The following PCDHGB1 variants were observed in gnomAD, a reference collection of about 807,000 sequenced individuals.
PCDHGB1 encodes protocadherin gamma subfamily B, 1.
Under a neutral mutation model 56.6 loss-of-function variants are expected in PCDHGB1, and 34 were observed. The observed-to-expected ratio is 0.60, with a 90% confidence interval of 0.46 to 0.80. The LOEUF (loss-of-function observed/expected upper bound fraction) is 0.80. PCDHGB1 is among the 30% of genes least tolerant of loss of function. PCDHGB1 has a pLI of 0.00. For synonymous variants in PCDHGB1, 561 were observed against 505.9 expected (o/e 1.11, Z -1.46); for missense variants, 1,278 against 1,204.6 (o/e 1.06, Z -0.90).
intron 1 of PCDHGB1, among the ~76,000 whole-genome samples, chr5:141,382,462 T>A (rs1481999551): frequency 6.6e-6 from 1 of 152,240 alleles, no homozygotes; most frequent in Admixed American, 6.5e-5. Context: ...AGCAGTTTTT[T>A]AAAAATTATC....
In PCDHGB1 at chr5:141,477,453, A is replaced by T; in HGVS notation, c.2410-17354A>T. On this transcript the variant is annotated intron_variant, in intron 1 of 3. Transcript: ENST00000523390. This position sits in a 1 kb window ranked among gnomAD's most constrained non-coding sequence, Gnocchi z 4.9. Reference sequence around the variant, plus strand: ...TCAGCCCTTACAATAGTGCGTGTTCAAGTGTCCGACATCAATGACAACCCT... The same window carrying T: ...TCAGCCCTTACAATAGTGCGTGTTCTAGTGTCCGACATCAATGACAACCCT... The T allele has an allele frequency of 6.2e-7, 1 of 1,614,136 alleles. No homozygotes were observed. The highest frequency in any genetic ancestry group is 8.5e-7 in the Non-Finnish European group (1 of 1,180,026).
At chr5:141,475,950 C>T (rs1236145505) in intron 1 of PCDHGB1, 3 of 761,526 alleles carry the variant, frequency 3.9e-6, no homozygotes, top group East Asian at 2.7e-5. Context: ...CCCCTTTCTG[C>T]GCCCCGGGAT....
intron 1 of PCDHGB1, chr5:141,423,369 A>C: frequency 1.9e-6 from 3 of 1,614,104 alleles, no homozygotes; most frequent in Non-Finnish European, 2.5e-6. Flanking sequence ...TGCTGCTGGC[A>C]CTCAGGCTGT....
rs376209053 is a variant in PCDHGB1, at chr5:141,410,666, T to A, written c.2409+57997T>A. On this transcript the variant is annotated intron_variant, in intron 1 of 3. Transcript: ENST00000523390. ...TGTGATTTATCTAATAGTCTACTAG[T>A]TTCTCATATTTTAGGCATACTACTT... is the stretch of plus-strand genomic sequence containing the variant. 2.6e-6 allele frequency: 4 copies of A among 1,565,890 alleles called. No homozygotes were observed. In the African/African-American group the frequency reaches 5.5e-5, roughly 21 times the overall value.
In PCDHGB1 at chr5:141,489,782, A is replaced by C. The variant is rs770399288; in HGVS notation, c.2410-5025A>C. On this transcript the variant is annotated intron_variant, in intron 1 of 3. Coordinates refer to ENST00000523390, the MANE Select transcript of PCDHGB1 (RefSeq NM_018922.3). The surrounding 1 kb of genome is among the most constrained non-coding windows in gnomAD (Gnocchi z 4.5). ...AGCCCCAACAGCCACTTCTCTCTGA[A>C]TGTGAAGACCCTAAAAGATGGGAAG... 2 of 1,614,078 alleles carry C rather than the reference A, an allele frequency of 1.2e-6. No homozygotes were observed. The highest frequency in any genetic ancestry group is 2.2e-5 in the East Asian group (1 of 44,894).
At chr5:141,479,505 G>A (rs2099498324) in intron 1 of PCDHGB1, 1 of 152,262 alleles carries the variant, frequency 6.6e-6, no homozygotes, top group African/African-American at 2.4e-5. Flanking sequence ...CCTAAAGAGG[G>A]GTGAACTGGC....
In PCDHGB1 at chr5:141,431,509, C is replaced by T. The variant is rs774558486; in HGVS notation, c.2410-63298C>T. The T allele has an allele frequency of 3.1e-6, 5 of 1,613,992 alleles. 1 individual carries two copies. In the Admixed American group the frequency reaches 5.0e-5, roughly 16 times the overall value. On this transcript the variant is annotated intron_variant, in intron 1 of 3. Coordinates refer to ENST00000523390, the MANE Select transcript of PCDHGB1 (RefSeq NM_018922.3). This position sits in a 1 kb window ranked among gnomAD's most constrained non-coding sequence, Gnocchi z 4.8. ...TTGCTCAGCCCGAGTACCGCGCGAG[C>T]GTTCCGGAGAATCTGGCCTTGGGCA...
intron 1 of PCDHGB1, chr5:141,399,892 G>T: frequency 1.2e-6 from 2 of 1,612,554 alleles, no homozygotes; most frequent in Non-Finnish European, 1.7e-6. Flanking sequence ...CAAGGTAGTG[G>T]CCGTGGACGC....
intron 1 of PCDHGB1, chr5:141,366,133 C>T (rs777240886): frequency 1.9e-6 from 3 of 1,614,216 alleles, no homozygotes; most frequent in Non-Finnish European, 2.5e-6. Context: ...CAGGCCAGAA[C>T]GCCTGGCTGT....
At chr5:141,390,532 T>C (rs1413146925) in intron 1 of PCDHGB1, 1 of 531,632 alleles carries the variant, frequency 1.9e-6, no homozygotes, top group Admixed American at 3.5e-5. Context: ...GGTGTGGTTT[T>C]AACCACAAAG....
intron 1 of PCDHGB1, chr5:141,383,835 T>C (rs950729427): frequency 4.3e-6 from 7 of 1,613,802 alleles, no homozygotes; most frequent in Admixed American, 1.7e-5. Flanking sequence ...ATGAAGAAAC[T>C]GCCTTCTATG....
intron 1 of PCDHGB1, among the ~76,000 whole-genome samples, chr5:141,479,846 C>A (rs1350909064): frequency 1.3e-5 from 2 of 152,194 alleles, no homozygotes; most frequent in Admixed American, 6.5e-5. Context: ...TGCAAGGTGA[C>A]TGCAAGGCCT....
rs1284287216 is a variant in PCDHGB1 at position 141,398,423 on chromosome 5, A to C, written c.2409+45754A>C. On this transcript the variant is annotated intron_variant, in intron 1 of 3. Transcript: ENST00000523390. ...GACAGGGAGGAGATATGCGGGAAGA[A>C]GCCAGCTTGTGCTCTGGAATTTGAG... 2.0e-6 allele frequency: 3 copies of C among 1,514,696 alleles called. No individual in the cohort carries two copies. In the South Asian group the frequency reaches 3.4e-5, roughly 17 times the overall value. The allele number at this position is 1,514,696 out of a possible 1,614,324, so 93.8% of individuals were successfully genotyped here.
rs2099670287 is a variant in PCDHGB1, at chr5:141,487,983, TC to T, written c.2410-6822del. Among the ~76,000 whole-genome samples, 3 of 152,290 alleles carry T rather than the reference TC, an allele frequency of 2.0e-5. No individual in the cohort carries two copies. The South Asian group carries it at 6.2e-4, about 32-fold the overall frequency. ...CAAAGGTGGCTGTTTTCTCTACTCT[TC>T]CTGAAAGAGGGGATCAGATTCTGAA... On this transcript the variant is annotated intron_variant, in intron 1 of 3. Coordinates refer to ENST00000523390, the MANE Select transcript of PCDHGB1 (RefSeq NM_018922.3). This position sits in a 1 kb window ranked among gnomAD's most constrained non-coding sequence, Gnocchi z 5.0.
intron 1 of PCDHGB1, among the ~76,000 whole-genome samples, chr5:141,467,665 G>T (rs1205474808): frequency 4.6e-5 from 7 of 152,040 alleles, no homozygotes; most frequent in Non-Finnish European, 1.0e-4. Flanking sequence ...AGTGCCAGAA[G>T]ATTTTTATTT....
intron 1 of PCDHGB1, among the ~76,000 whole-genome samples, chr5:141,434,748 C>T (rs932613622): frequency 2.0e-5 from 3 of 151,818 alleles, no homozygotes; most frequent in African/African-American, 7.3e-5. Flanking sequence ...CTATGAGACC[C>T]CTGATTCCCC....
At chr5:141,497,079 C>T (rs564690352) in intron 2 of PCDHGB1, among the ~76,000 whole-genome samples, 2 of 151,982 alleles carry the variant, frequency 1.3e-5, no homozygotes, top group African/African-American at 4.8e-5. Flanking sequence ...ATCCCAGCGA[C>T]TTAGGAGGCT....
chr5:141,372,537 C>A lies in PCDHGB1; in HGVS notation c.2409+19868C>A, dbSNP rs138338803. 3.0e-3 allele frequency: 4,858 copies of A among 1,614,046 alleles called. 5 individuals carry two copies. The highest frequency in any genetic ancestry group is 4.8e-3 in the Admixed American group (290 of 60,038). On this transcript the variant is annotated intron_variant, in intron 1 of 3. Coordinates refer to ENST00000523390, the MANE Select transcript of PCDHGB1 (RefSeq NM_018922.3). The stretch of plus-strand genomic sequence containing the variant: ...GGTGATTCTGGCAATCTCCCTGCGC[C>A]TGCGATGCTCCTCCAGACCCGCCAC...
At chr5:141,354,361 A>C (rs1024429326) in intron 1 of PCDHGB1, among the ~76,000 whole-genome samples, 7 of 152,230 alleles carry the variant, frequency 4.6e-5, no homozygotes, top group Admixed American at 1.3e-4. Context: ...CACATTGTGA[A>C]CAAGATAGTC....
Sources: allele counts gnomAD v4.1 joint callset (sites outside exome capture counted in the v4.1 genomes callset), GRCh38; gene constraint gnomAD v4.1.1; non-coding constraint Gnocchi (gnomAD v3.1); transcripts MANE v1.5; gene names NCBI Gene and HGNC (gene_info 2026-07-23, HGNC 2026-07-21).